Variants in FSIP1 observed in about 807,000 individuals in gnomAD.
FSIP1 encodes the protein fibrous sheath-interacting protein 1.
In FSIP1, 65 loss-of-function variants were observed where a neutral mutation model predicts 60.9. The ratio of observed to expected loss-of-function variants is 1.07; its 90% CI spans 0.87 to 1.31. The LOEUF is 1.31. FSIP1 is among the 40% of genes most tolerant of loss of function. FSIP1 has a pLI of 0.00. For missense variants in FSIP1, 675 were observed against 665.5 expected (o/e 1.01, Z -0.16); for synonymous variants, 209 against 221.2 (o/e 0.94, Z 0.49).
At chr15:39,687,414 A>G (rs912553066) in intron 10 of FSIP1, among the ~76,000 whole-genome samples, 1 of 152,034 alleles carries the variant, frequency 6.6e-6, no homozygotes, top group African/African-American at 2.4e-5. Flanking sequence ...TTGGCCTCCC[A>G]AAGTCTTGGG....
intron 9 of FSIP1, among the ~76,000 whole-genome samples, chr15:39,726,270 A>C (rs1896190332): frequency 6.6e-6 from 1 of 152,298 alleles, no homozygotes; most frequent in African/African-American, 2.4e-5. Context: ...CACAGGAATA[A>C]AGAAAAATAA....
At chr15:39,625,608 C>T (rs1270895643) in intron 10 of FSIP1, among the ~76,000 whole-genome samples, 2 of 152,162 alleles carry the variant, frequency 1.3e-5, no homozygotes, top group African/African-American at 4.8e-5. Flanking sequence ...GGATCAGATG[C>T]CCTTTGTTCT....
Position 39,641,221 on chromosome 15 carries a change from GA to G in FSIP1, c.1189-22977del, listed in dbSNP as rs570734258. Among the ~76,000 whole-genome samples, 865 of 148,004 alleles carry G rather than the reference GA, an allele frequency of 5.8e-3. 6 individuals are homozygous for G. Among genetic ancestry groups the G allele is most frequent in the Admixed American group, 0.01 (156 of 14,894 alleles). ...AATTTTTCTATGCCTAATTCAAACT[GA>G]AAAAAAAAATGTTTTTTTAATTCCT... On this transcript the variant is annotated intron_variant, in intron 10 of 11. Transcript: ENST00000350221.
intron 10 of FSIP1, among the ~76,000 whole-genome samples, chr15:39,652,798 C>A (rs1892926053): frequency 6.6e-6 from 1 of 152,130 alleles, no homozygotes; most frequent in Admixed American, 6.5e-5. Flanking sequence ...CATGTTACTG[C>A]ATTGATTACT....
At chr15:39,664,903 T>A (rs1183020140) in intron 10 of FSIP1, among the ~76,000 whole-genome samples, 2 of 152,202 alleles carry the variant, frequency 1.3e-5, no homozygotes, top group Non-Finnish European at 2.9e-5. Context: ...ACTACCTAAT[T>A]TTTTAATGTA....
At chr15:39,757,176 C>A (rs1219237484) in intron 5 of FSIP1, among the ~76,000 whole-genome samples, 1 of 151,988 alleles carries the variant, frequency 6.6e-6, no homozygotes, top group Non-Finnish European at 1.5e-5. Context: ...ATAAAAATAT[C>A]TTATTTAGAA....
chr15:39,697,418 A>G (rs2631694), intron 10 of FSIP1, among the ~76,000 whole-genome samples: 99,764 of 152,066 alleles, frequency 0.66, 34,548 homozygotes, highest in South Asian at 0.75. Flanking sequence ...AGAGTTAAAT[A>G]CCCTTCCAGA....
chr15:39,714,972 CAAAAAAAAAAA>C (rs34491210), intron 9 of FSIP1, among the ~76,000 whole-genome samples: 1 of 89,574 alleles, frequency 1.1e-5, no homozygotes, highest in Non-Finnish European at 2.0e-5. Context: ...GACTCTGTCT[CAAAAAAAAAAA>C]AAAAAAAAAG....
At chr15:39,659,657 C>G (rs1893222049) in intron 10 of FSIP1, among the ~76,000 whole-genome samples, 1 of 129,000 alleles carries the variant, frequency 7.8e-6, no homozygotes, top group Non-Finnish European at 1.7e-5. Context: ...AATGGCTTTT[C>G]AAATCCTTCC....
In FSIP1 at chr15:39,687,133, TTTCC is replaced by T. The variant is rs1183032825; in HGVS notation, c.1188+26307_1188+26310del. ...TTTCACCTTTCTTTCTTTCTTTTCT[TTTCC>T]TTTTTTTTTTTTTTTTTTTTTTTTT... On this transcript the variant is annotated intron_variant, in intron 10 of 11. Coordinates refer to ENST00000350221, the MANE Select transcript of FSIP1 (RefSeq NM_152597.5). Among the ~76,000 whole-genome samples the T allele has an allele frequency of 2.9e-4, 29 of 100,750 alleles. 1 individual carries two copies. The highest frequency in any genetic ancestry group is 6.5e-4 in the African/African-American group (16 of 24,496). The allele number at this position is 100,750 out of a possible 152,430, so 66.1% of individuals were successfully genotyped here. A position where few individuals can be genotyped will look rare whatever the true frequency, so the allele number is the denominator to read the frequency against.
At position 39,711,789 on chromosome 15, in the gene FSIP1, G is replaced by C. The variant is rs540549631; in HGVS notation, c.1188+1655C>G. On this transcript the variant is annotated intron_variant, in intron 10 of 11. Transcript: ENST00000350221. ...AATCTCTGCCTCCTGGGTTCAAGCA[G>C]TTCTCCTGCCTCAGCCTCCCAAGTA... Among the ~76,000 whole-genome samples, 21 of 144,348 alleles carry C rather than the reference G, an allele frequency of 1.5e-4. No homozygotes were observed. In the South Asian group the frequency reaches 4.7e-3, roughly 32 times the overall value. The allele number at this position is 144,348 out of a possible 152,430, so 94.7% of individuals were successfully genotyped here. A position where few individuals can be genotyped will look rare whatever the true frequency, so the allele number is the denominator to read the frequency against.
rs144845113 is a variant in FSIP1 at position 39,728,561 on chromosome 15, G to A, written c.892-1814C>T. On this transcript the variant is annotated intron_variant, in intron 8 of 11. Transcript: ENST00000350221. ...GAAAAGGACTCCTGTTCAATAAATG[G>A]TGCTGGCATAACTGGCTAGCCATGT... is the stretch of plus-strand genomic sequence containing the variant. Among the ~76,000 whole-genome samples, 257 of 152,288 alleles carry A rather than the reference G, an allele frequency of 1.7e-3. 1 individual carries two copies. Among genetic ancestry groups the A allele is most frequent in the African/African-American group, 5.9e-3 (244 of 41,552 alleles).
intron 5 of FSIP1, among the ~76,000 whole-genome samples, chr15:39,763,156 G>A (rs888204836): frequency 8.5e-5 from 13 of 152,050 alleles, no homozygotes; most frequent in East Asian, 3.9e-4. Flanking sequence ...TGTTACCTCC[G>A]TAACGAAACA....
intron 10 of FSIP1, among the ~76,000 whole-genome samples, chr15:39,630,101 C>T (rs1336963835): frequency 1.3e-5 from 2 of 152,224 alleles, no homozygotes; most frequent in Non-Finnish European, 2.9e-5. Flanking sequence ...TACCCCTGTA[C>T]ATTCTGTAGA....
Position 39,689,995 on chromosome 15 carries a change from T to C in FSIP1, c.1188+23449A>G, listed in dbSNP as rs138748542. The stretch of plus-strand genomic sequence containing the variant: ...CTTTAATGTTGGGATTCAGATGATA[T>C]GGAGTGGAGTTTTTCTACCATAAAG... On this transcript the variant is annotated intron_variant, in intron 10 of 11. Transcript: ENST00000350221. Among the ~76,000 whole-genome samples, 1,194 of 152,308 alleles carry C rather than the reference T, an allele frequency of 7.8e-3. 19 individuals carry two copies. Among genetic ancestry groups the C allele is most frequent in the African/African-American group, 0.028 (1,148 of 41,562 alleles).
At position 39,654,879 on chromosome 15, in the gene FSIP1, G is replaced by A. The variant is rs375737775; in HGVS notation, c.1189-36634C>T. Among the ~76,000 whole-genome samples, 24 of 152,286 alleles carry A rather than the reference G, an allele frequency of 1.6e-4. No homozygotes were observed. In the East Asian group the frequency reaches 1.7e-3, roughly 11 times the overall value. On this transcript the variant is annotated intron_variant, in intron 10 of 11. Transcript: ENST00000350221. Reference sequence around the variant, plus strand: ...TCATGTAAATTCCTTTCCTTTAAAGGGAGGTTTGTCTGCCCAGAGGCTTAA... The same window carrying A: ...TCATGTAAATTCCTTTCCTTTAAAGAGAGGTTTGTCTGCCCAGAGGCTTAA...
At chr15:39,608,163 A>G (rs758722727) in intron 11 of FSIP1, among the ~76,000 whole-genome samples, 1 of 152,264 alleles carries the variant, frequency 6.6e-6, no homozygotes, top group Non-Finnish European at 1.5e-5. Context: ...TTATTATGTA[A>G]TAAACAGAAA....
intron 5 of FSIP1, among the ~76,000 whole-genome samples, chr15:39,757,629 C>T (rs1469711434): frequency 6.6e-6 from 1 of 151,838 alleles, no homozygotes; most frequent in East Asian, 1.9e-4. Flanking sequence ...TAAATGACTC[C>T]AAAACATATG....
intron 2 of FSIP1, among the ~76,000 whole-genome samples, chr15:39,771,412 C>T (rs1474103989): frequency 6.6e-6 from 1 of 152,208 alleles, no homozygotes; most frequent in Non-Finnish European, 1.5e-5. Flanking sequence ...TTTCTCTGCA[C>T]CACATGTTCA....
Sources: gnomAD v4.1 joint callset for allele counts (sites outside exome capture counted in the v4.1 genomes callset) on GRCh38, gnomAD v4.1.1 for gene constraint, MANE v1.5 for transcripts, NCBI Gene and HGNC (gene_info 2026-07-23, HGNC 2026-07-21) for gene names.